Variants in ALK observed in about 807,000 individuals in gnomAD.
ALK encodes the protein ALK receptor tyrosine kinase.
ALK carries 74 observed loss-of-function variants against 163.1 expected under a neutral mutation model. The observed-to-expected ratio is 0.45, with a 90% CI of 0.38 to 0.55. The LOEUF is 0.55. ALK is among the 20% of genes least tolerant of loss of function. The probability of loss-of-function intolerance (pLI) is 0.00; values close to 1 mark genes in which losing one functional copy is unlikely to be tolerated. For missense variants in ALK, 2,063 were observed against 2,105.3 expected, an observed-to-expected ratio of 0.98 and a Z score of 0.39; for synonymous variants, 960 against 843.2, an observed-to-expected ratio of 1.14 and a Z score of -2.40.
At chr2:29,577,662 C>G (rs548283302) in intron 3 of ALK, among the ~76,000 whole-genome samples, 1 of 152,176 alleles carries the variant, frequency 6.6e-6, no homozygotes, top group Non-Finnish European at 1.5e-5. Flanking sequence ...AGTGCAACCT[C>G]CCCCAGCTCT....
At chr2:29,615,918 G>T (rs115071123) in intron 3 of ALK, among the ~76,000 whole-genome samples, 2,685 of 152,328 alleles carry the variant, frequency 0.018, 66 homozygotes, top group African/African-American at 0.051. Flanking sequence ...TAGACACCTC[G>T]GAACCCTCAG....
intron 3 of ALK, among the ~76,000 whole-genome samples, chr2:29,641,718 G>A (rs1030845080): frequency 2.6e-5 from 4 of 152,114 alleles, no homozygotes; most frequent in African/African-American, 9.7e-5. Flanking sequence ...TCTGCTAGTA[G>A]CTTTTAAGAA....
chr2:29,452,921 G>A (rs1670859565), intron 4 of ALK, among the ~76,000 whole-genome samples: 1 of 152,198 alleles, frequency 6.6e-6, no homozygotes, highest in Non-Finnish European at 1.5e-5. Context: ...CTATTCAGAA[G>A]TGTCAAGGTC....
intron 4 of ALK, among the ~76,000 whole-genome samples, chr2:29,416,979 C>CCTT (rs1177704836): frequency 9.0e-5 from 7 of 77,664 alleles, no homozygotes; most frequent in African/African-American, 3.3e-4. Context: ...ATGTTTGATG[C>CCTT]TTTTTTTTTT....
Position 29,245,843 on chromosome 2 carries a change from G to A in ALK, c.2204+5262C>T, listed in dbSNP as rs113418078. Among the ~76,000 whole-genome samples, 625 of 150,636 alleles carry A rather than the reference G, an allele frequency of 4.1e-3. 3 individuals carry two copies. The highest frequency in any genetic ancestry group is 0.014 in the African/African-American group (565 of 40,970). On this transcript the variant is annotated intron_variant, in intron 12 of 28. Coordinates refer to ENST00000389048, the MANE Select transcript of ALK (RefSeq NM_004304.5). ...TCTATGGCTCAGTGCCTTGCACACA[G>A]TTGGGGCTCCATGGCTCAGTGCCCT...
chr2:29,387,421 AG>A (rs2148304476), intron 4 of ALK, among the ~76,000 whole-genome samples: 1 of 152,306 alleles, frequency 6.6e-6, no homozygotes, highest in East Asian at 1.9e-4. Flanking sequence ...CAAAAAAGGC[AG>A]GAGGGTTGGC....
intron 6 of ALK, among the ~76,000 whole-genome samples, chr2:29,323,773 C>T (rs1179206279): frequency 6.6e-6 from 1 of 152,190 alleles, no homozygotes; most frequent in African/African-American, 2.4e-5. Context: ...GGTTGGCCTG[C>T]AGGATTGGGT....
intron 1 of ALK, among the ~76,000 whole-genome samples, chr2:29,887,166 G>C (rs901987767): frequency 6.6e-6 from 1 of 152,180 alleles, no homozygotes; most frequent in Non-Finnish European, 1.5e-5. Flanking sequence ...ACAAAATTCA[G>C]GCATGGTTTT....
rs141214532 is a variant in ALK at position 29,560,752 on chromosome 2, T to C, written c.953-28636A>G. On this transcript the variant is annotated intron_variant, in intron 3 of 28. Transcript: ENST00000389048. ...ATGCCTGGCTAATTTTGGTATTTTT[T>C]ATAGAGACTGGGTTTTGGCATGTTG... Among the ~76,000 whole-genome samples, 1,404 of 152,132 alleles carry C rather than the reference T, an allele frequency of 9.2e-3. 20 individuals are homozygous for C. Among genetic ancestry groups the C allele is most frequent in the African/African-American group, 0.032 (1,325 of 41,518 alleles).
intron 3 of ALK, among the ~76,000 whole-genome samples, chr2:29,599,904 C>A (rs750528560): frequency 1.1e-4 from 16 of 152,162 alleles, no homozygotes; most frequent in Non-Finnish European, 2.2e-4. Context: ...GCTGGGTCAC[C>A]ATGCTCACTG....
intron 1 of ALK, among the ~76,000 whole-genome samples, chr2:29,771,772 G>A (rs368273842): frequency 6.6e-6 from 1 of 151,614 alleles, no homozygotes; most frequent in Non-Finnish European, 1.5e-5. Context: ...CTGACCTCGT[G>A]ATCCGCCCGC....
intron 4 of ALK, among the ~76,000 whole-genome samples, chr2:29,433,614 C>T (rs1428388161): frequency 6.6e-6 from 1 of 152,088 alleles, no homozygotes; most frequent in African/African-American, 2.4e-5. Context: ...CCCTGCTAGA[C>T]TTTGCCATTG....
chr2:29,893,753 A>C (rs1667203950), intron 1 of ALK, among the ~76,000 whole-genome samples: 1 of 152,166 alleles, frequency 6.6e-6, no homozygotes, highest in Non-Finnish European at 1.5e-5. Context: ...TAGCTTGTTT[A>C]AATGAATGGA....
In ALK at chr2:29,625,272, A is replaced by G. The variant is rs571093556; in HGVS notation, c.952+69578T>C. The stretch of plus-strand genomic sequence containing the variant: ...TAAGTAAAGATTACATAGCTAAGGA[A>G]GAGACTGCAGTTCAACTTCCAAATT... On this transcript the variant is annotated intron_variant, in intron 3 of 28. Coordinates refer to ENST00000389048, the MANE Select transcript of ALK (RefSeq NM_004304.5). Among the ~76,000 whole-genome samples the G allele has an allele frequency of 7.9e-5, 12 of 152,360 alleles. No homozygotes were observed. The East Asian group carries it at 2.1e-3, about 27-fold the overall frequency.
chr2:29,396,542 C>A (rs1461891931), intron 4 of ALK, among the ~76,000 whole-genome samples: 1 of 152,046 alleles, frequency 6.6e-6, no homozygotes. Context: ...GACATGGTGG[C>A]GTGTGCCTGT....
At chr2:29,761,824 C>T (rs776446752) in intron 1 of ALK, among the ~76,000 whole-genome samples, 13 of 152,312 alleles carry the variant, frequency 8.5e-5, no homozygotes, top group Non-Finnish European at 1.6e-4. Context: ...CTTTGGGTTC[C>T]AGTAACGAGT....
intron 1 of ALK, among the ~76,000 whole-genome samples, chr2:29,774,092 C>A (rs1179013318): frequency 2.6e-5 from 4 of 152,206 alleles, no homozygotes; most frequent in Admixed American, 2.6e-4. Flanking sequence ...TGCCACTTCC[C>A]AAAAACGGTC....
Position 29,318,326 on chromosome 2 carries a change from G to A in ALK, c.1625C>T (p.Pro542Leu), listed in dbSNP as rs372456536. The A allele has an allele frequency of 5.0e-6, 8 of 1,613,474 alleles. No individual in the cohort carries two copies. The Admixed American group carries it at 6.7e-5, about 13-fold the overall frequency. The change falls in exon 8 of 29, where the codon CCG (proline) becomes CTG (leucine). Residue 542 changes from proline (P) to leucine (L), a missense_variant. Physicochemically the swap from Pro to Leu is moderately conservative, Grantham distance 98. Transcript: ENST00000389048. ...TGCCTCACATGGAGAGCTCTTGATC[G>A]GTGCAGGAAACGTAGCACTGGTCAC... Reference protein sequence around the residue: ...ATVTSATFPAPIKSSPCELRM... With the variant: ...ATVTSATFPALIKSSPCELRM...
intron 1 of ALK, among the ~76,000 whole-genome samples, chr2:29,789,014 A>AGTGTGTGTGT (rs1558488881): frequency 3.8e-4 from 6 of 15,706 alleles, no homozygotes; most frequent in Admixed American, 1.0e-3. Flanking sequence ...ATCCTGGTAC[A>AGTGTGTGTGT]CTGTGTGTGT....
Sources: gnomAD v4.1 joint callset for allele counts (sites outside exome capture counted in the v4.1 genomes callset) on GRCh38, gnomAD v4.1.1 for gene constraint, MANE v1.5 for transcripts, NCBI Gene and HGNC (gene_info 2026-07-23, HGNC 2026-07-21) for gene names.